The following SLC35F4 variants were observed in gnomAD, a reference collection of about 807,000 sequenced individuals.
The protein encoded by SLC35F4 is chromosome 14 open reading frame 36.
SLC35F4 carries 24 observed loss-of-function variants against 44.2 expected under a neutral mutation model. The observed-to-expected ratio is 0.54, with a 90% CI of 0.39 to 0.76. The LOEUF is 0.76. Among genes scored for constraint, SLC35F4 ranks in the 30% least tolerant of loss-of-function variants. SLC35F4 has a pLI of 0.00. For synonymous variants in SLC35F4, 238 were observed against 223.6 expected, an observed-to-expected ratio of 1.06 and a Z score of -0.57; for missense variants, 562 against 586.1, an observed-to-expected ratio of 0.96 and a Z score of 0.42.
At chr14:57,904,137 A>T (rs1889064876) in intron 1 of SLC35F4, among the ~76,000 whole-genome samples, 1 of 152,222 alleles carries the variant, frequency 6.6e-6, no homozygotes, top group Non-Finnish European at 1.5e-5. Flanking sequence ...ACACTGATAG[A>T]TCCATTAACA....
rs144281081 is a variant in SLC35F4 at position 57,963,618 on chromosome 14, G to T, written n.282+18295C>A. 3.3e-3 allele frequency among the ~76,000 whole-genome samples: 508 copies of T among 151,760 alleles called. 5 individuals carry two copies. Among genetic ancestry groups the T allele is most frequent in the African/African-American group, 0.012 (491 of 41,334 alleles). On this transcript the variant is annotated intron_variant and non_coding_transcript_variant, in intron 1 of 1. Transcript: ENST00000556568. Reference sequence around the variant, plus strand: ...AGTGTTTACAGCGGGCTCACAGCACGTGGAACTGTCTGGGTGCTGAGAAAG... The same window carrying T: ...AGTGTTTACAGCGGGCTCACAGCACTTGGAACTGTCTGGGTGCTGAGAAAG...
chr14:57,711,339 T>C (rs1426108908), intron 1 of SLC35F4, among the ~76,000 whole-genome samples: 1 of 152,148 alleles, frequency 6.6e-6, no homozygotes, highest in Non-Finnish European at 1.5e-5. Flanking sequence ...TTAAGCCTCT[T>C]TCCTTTATAA....
At chr14:57,767,896 C>T (rs934529545) in intron 1 of SLC35F4, among the ~76,000 whole-genome samples, 3 of 152,090 alleles carry the variant, frequency 2.0e-5, no homozygotes, top group African/African-American at 4.8e-5. Flanking sequence ...TATACACATA[C>T]GTTCAACAAC....
chr14:57,750,431 G>A (rs1263886774), intron 1 of SLC35F4, among the ~76,000 whole-genome samples: 4 of 152,052 alleles, frequency 2.6e-5, no homozygotes, highest in African/African-American at 7.2e-5. Flanking sequence ...GGATCAAATG[G>A]TAATTCTATT....
chr14:57,567,421 C>G (rs927401640), intron 6 of SLC35F4, among the ~76,000 whole-genome samples: 1 of 152,142 alleles, frequency 6.6e-6, no homozygotes, highest in Non-Finnish European at 1.5e-5. Flanking sequence ...TTGTGTATAT[C>G]TCTGCAGAAC....
At chr14:57,916,192 G>C (rs1238079343) in intron 1 of SLC35F4, among the ~76,000 whole-genome samples, 1 of 152,096 alleles carries the variant, frequency 6.6e-6, no homozygotes, top group Non-Finnish European at 1.5e-5. Flanking sequence ...AAAGGGGGCT[G>C]AACTCATTTT....
chr14:57,743,522 C>T (rs925433940), intron 1 of SLC35F4, among the ~76,000 whole-genome samples: 1 of 152,024 alleles, frequency 6.6e-6, no homozygotes, highest in South Asian at 2.1e-4. Flanking sequence ...AAGACTAAAC[C>T]AGGAAGAAGT....
chr14:57,852,512 G>A (rs1432786166), intron 1 of SLC35F4, among the ~76,000 whole-genome samples: 3 of 152,330 alleles, frequency 2.0e-5, no homozygotes, highest in Middle Eastern at 6.8e-3. Context: ...CTTCTGAAAG[G>A]TGATCATGGT....
chr14:57,879,920 G>A (rs1235091225), intron 1 of SLC35F4, among the ~76,000 whole-genome samples: 1 of 151,612 alleles, frequency 6.6e-6, no homozygotes, highest in African/African-American at 2.4e-5. Context: ...GGAAAGGAGG[G>A]AGGGAGAGAA....
chr14:57,947,172 G>C (rs1890050248), intron 1 of SLC35F4, among the ~76,000 whole-genome samples: 1 of 150,402 alleles, frequency 6.6e-6, no homozygotes, highest in Non-Finnish European at 1.5e-5. Flanking sequence ...GTGTTTTGTA[G>C]TTTTCCTTGT....
At chr14:57,754,074 T>C (rs1214634853) in intron 1 of SLC35F4, among the ~76,000 whole-genome samples, 2 of 149,920 alleles carry the variant, frequency 1.3e-5, no homozygotes, top group African/African-American at 4.9e-5. Context: ...AGAGATAAGA[T>C]CCTTTACAAT....
chr14:57,613,650 G>C (rs113467138), intron 1 of SLC35F4, among the ~76,000 whole-genome samples: 1 of 152,184 alleles, frequency 6.6e-6, no homozygotes, highest in Non-Finnish European at 1.5e-5. Flanking sequence ...CTGATACATA[G>C]CTTCCAAAGA....
At chr14:57,826,277 T>G (rs577308452) in intron 1 of SLC35F4, among the ~76,000 whole-genome samples, 1 of 152,294 alleles carries the variant, frequency 6.6e-6, no homozygotes, top group Admixed American at 6.5e-5. Flanking sequence ...ACATCCTATG[T>G]AATAAATGAT....
chr14:57,810,723 A>T (rs1213283728), intron 1 of SLC35F4, among the ~76,000 whole-genome samples: 2 of 152,206 alleles, frequency 1.3e-5, no homozygotes, highest in African/African-American at 4.8e-5. Flanking sequence ...ACACTATGCA[A>T]AAAGGCCAGG....
At chr14:57,616,569 A>C (rs944533803) in intron 1 of SLC35F4, among the ~76,000 whole-genome samples, 30 of 152,148 alleles carry the variant, frequency 2.0e-4, no homozygotes, top group Non-Finnish European at 3.5e-4. Flanking sequence ...CCTTCTAGGG[A>C]AGTGTATGAA....
In SLC35F4 at chr14:57,865,857, C is replaced by T. The variant is rs533596498; in HGVS notation, c.-32G>A. 2 of 1,461,248 alleles carry T rather than the reference C, an allele frequency of 1.4e-6. No individual in the cohort carries two copies. The highest frequency in any genetic ancestry group is 2.8e-5 in the East Asian group (1 of 36,256). The allele number at this position is 1,461,248 out of a possible 1,614,324, so 90.5% of individuals were successfully genotyped here. Reference sequence around the variant, plus strand: ...CGCGGGGCGACGGCCCCGAGTGCGGCGGGGCGGAGAGCGCAGCGCGGGGCC... The same window carrying T: ...CGCGGGGCGACGGCCCCGAGTGCGGTGGGGCGGAGAGCGCAGCGCGGGGCC... On this transcript the variant is annotated 5_prime_UTR_variant, in exon 1 of 8. Coordinates refer to ENST00000556826, the MANE Select transcript of SLC35F4 (RefSeq NM_001306087.2).
At chr14:57,807,428 CAG>C (rs1881460116) in intron 1 of SLC35F4, among the ~76,000 whole-genome samples, 1 of 151,972 alleles carries the variant, frequency 6.6e-6, no homozygotes, top group African/African-American at 2.4e-5. Flanking sequence ...AAGCAGGAAA[CAG>C]GCAATTTTTG....
At chr14:57,913,648 T>G (rs7156842) in intron 1 of SLC35F4, among the ~76,000 whole-genome samples, 1 of 152,110 alleles carries the variant, frequency 6.6e-6, no homozygotes, top group Non-Finnish European at 1.5e-5. Context: ...TATTAATATA[T>G]AAACATATAC....
At chr14:57,672,282 T>C (rs2074545135) in intron 1 of SLC35F4, among the ~76,000 whole-genome samples, 1 of 152,184 alleles carries the variant, frequency 6.6e-6, no homozygotes, top group East Asian at 1.9e-4. Flanking sequence ...ACAAAGATCC[T>C]GCAAACATCC....
Sources: allele counts gnomAD v4.1 joint callset (sites outside exome capture counted in the v4.1 genomes callset), GRCh38; gene constraint gnomAD v4.1.1; transcripts MANE v1.5; gene names NCBI Gene and HGNC (gene_info 2026-07-23, HGNC 2026-07-21).